The following MLLT1 variants were observed in gnomAD, a reference collection of about 807,000 sequenced individuals.
The protein encoded by MLLT1 is protein ENL.
Under a neutral mutation model 55.1 loss-of-function variants are expected in MLLT1, and 11 were observed. The ratio of observed to expected loss-of-function variants is 0.20; its 90% CI spans 0.13 to 0.33. The LOEUF (loss-of-function observed/expected upper bound fraction) is 0.33, where lower values mean the gene tolerates loss of function less well. Among genes scored for constraint, MLLT1 ranks in the 10% least tolerant of loss-of-function variants. The pLI, the probability that MLLT1 is intolerant of heterozygous loss-of-function variation, is 1.00. For missense variants in MLLT1, 536 were observed against 760.6 expected, an observed-to-expected ratio of 0.70 and a Z score of 3.47; for synonymous variants, 323 against 320.1, an observed-to-expected ratio of 1.01 and a Z score of -0.10.
At chr19:6,214,519 C>T (rs1414519964) in intron 8 of MLLT1, among the ~76,000 whole-genome samples, 1 of 152,206 alleles carries the variant, frequency 6.6e-6, no homozygotes, top group Non-Finnish European at 1.5e-5. Flanking sequence ...ATCGGCCCCC[C>T]TGACCCTAGA....
chr19:6,265,049 C>CAAAAAAAAAAAAAAA (rs2091336941), intron 2 of MLLT1, among the ~76,000 whole-genome samples: 1 of 23,302 alleles, frequency 4.3e-5, no homozygotes, highest in Non-Finnish European at 1.2e-4. Flanking sequence ...AAAAAAAAAA[C>CAAAAAAAAAAAAAAA]AAAAAAACAA....
At chr19:6,233,512 G>T (rs77086332) in intron 3 of MLLT1, among the ~76,000 whole-genome samples, 1 of 152,208 alleles carries the variant, frequency 6.6e-6, no homozygotes, top group African/African-American at 2.4e-5. Flanking sequence ...TGTCCGAGGG[G>T]ACATGTGACA....
rs1294678351 is a variant in MLLT1, at chr19:6,212,657, A to C, written c.*385T>G. On this transcript the variant is annotated 3_prime_UTR_variant, in exon 12 of 12. Coordinates refer to ENST00000252674, the MANE Select transcript of MLLT1 (RefSeq NM_005934.4). The stretch of plus-strand genomic sequence containing the variant: ...ATTCGGGAGGCTGGAGATGCCCCCC[A>C]GCCGTCGATCCGCTGCTCAGAAAGG... 1 of 1,109,110 alleles carries C rather than the reference A, an allele frequency of 9.0e-7. No homozygotes were observed. Among genetic ancestry groups the C allele is most frequent in the Non-Finnish European group, 1.1e-6 (1 of 908,806 alleles). The allele number at this position is 1,109,110 out of a possible 1,614,324, so 68.7% of individuals were successfully genotyped here.
At position 6,240,696 on chromosome 19, in the gene MLLT1, C is replaced by A. The variant is rs1009484543; in HGVS notation, c.277-9983G>T. Among the ~76,000 whole-genome samples the A allele has an allele frequency of 2.6e-5, 4 of 152,080 alleles. No individual in the cohort carries two copies. Among genetic ancestry groups the A allele is most frequent in the Admixed American group, 2.0e-4 (3 of 15,278 alleles). ...GTCAGACGCACAGGGAGAGACTGGACCCCACACTCAGCTACGAACCTCCCG... is the reference window on the plus strand; with the variant it reads ...GTCAGACGCACAGGGAGAGACTGGAACCCACACTCAGCTACGAACCTCCCG... On this transcript the variant is annotated intron_variant, in intron 3 of 11. Transcript: ENST00000252674. This position sits in a 1 kb window ranked among gnomAD's most constrained non-coding sequence, Gnocchi z 4.7.
Position 6,235,883 on chromosome 19 carries a change from C to T in MLLT1, c.277-5170G>A, listed in dbSNP as rs1209706971. On this transcript the variant is annotated intron_variant, in intron 3 of 11. Transcript: ENST00000252674. This position sits in a 1 kb window ranked among gnomAD's most constrained non-coding sequence, Gnocchi z 5.5. The stretch of plus-strand genomic sequence containing the variant: ...AGCTCACCCCTTCCTGACCCCCACC[C>T]GCCCTTATCCCGGCCTGCTGCTGTC... 6.6e-6 allele frequency among the ~76,000 whole-genome samples: 1 copy of T among 152,154 alleles called. No individual in the cohort carries two copies. The highest frequency in any genetic ancestry group is 1.5e-5 in the Non-Finnish European group (1 of 68,020).
intron 5 of MLLT1, among the ~76,000 whole-genome samples, chr19:6,223,236 A>T (rs2090921283): frequency 6.6e-6 from 1 of 152,188 alleles, no homozygotes; most frequent in Non-Finnish European, 1.5e-5. Flanking sequence ...GGGTCCAGCC[A>T]GCTCAGGCCT....
intron 5 of MLLT1, among the ~76,000 whole-genome samples, chr19:6,224,449 G>A (rs1364879643): frequency 6.6e-6 from 1 of 152,242 alleles, no homozygotes; most frequent in East Asian, 1.9e-4. Flanking sequence ...AGACTGCAAT[G>A]CCACCTGCCA....
chr19:6,243,420 G>A (rs1836909625), intron 3 of MLLT1, among the ~76,000 whole-genome samples: 1 of 152,206 alleles, frequency 6.6e-6, no homozygotes. Flanking sequence ...TTCCTTCTGG[G>A]AGAGATGGAG....
At chr19:6,213,906 G>T in intron 9 of MLLT1, 33 bp downstream of exon 9, 1 of 1,484,652 alleles carries the variant, frequency 6.7e-7, no homozygotes, top group Non-Finnish European at 9.1e-7. Flanking sequence ...CCCGGCCTCT[G>T]GTGCACCCCC....
chr19:6,244,337 T>G (rs1477766226), intron 3 of MLLT1, among the ~76,000 whole-genome samples: 2 of 151,164 alleles, frequency 1.3e-5, no homozygotes, highest in African/African-American at 4.9e-5. Context: ...AGAAAAGCAA[T>G]TCCTCCTCCT....
chr19:6,264,363 G>A (rs1167362870), intron 2 of MLLT1, among the ~76,000 whole-genome samples: 1 of 151,640 alleles, frequency 6.6e-6, no homozygotes, highest in Non-Finnish European at 1.5e-5. Flanking sequence ...ACCAGACCCC[G>A]AGGAAGGCCT....
At chr19:6,217,905 A>T in intron 7 of MLLT1, 49 bp downstream of exon 7, 1 of 1,555,912 alleles carries the variant, frequency 6.4e-7, no homozygotes, top group Non-Finnish European at 8.7e-7. Flanking sequence ...CCTGAGCTCC[A>T]GGCCCTCCCC....
Position 6,240,681 on chromosome 19 carries a change from C to A in MLLT1, c.277-9968G>T, listed in dbSNP as rs948792408. Reference sequence around the variant, plus strand: ...CGCTGTGGGGGTGATGTCAGACGCACAGGGAGAGACTGGACCCCACACTCA... The same window carrying A: ...CGCTGTGGGGGTGATGTCAGACGCAAAGGGAGAGACTGGACCCCACACTCA... On this transcript the variant is annotated intron_variant, in intron 3 of 11. Transcript: ENST00000252674. The surrounding 1 kb of genome is among the most constrained non-coding windows in gnomAD (Gnocchi z 4.7). 1.3e-5 allele frequency among the ~76,000 whole-genome samples: 2 copies of A among 152,098 alleles called. No individual in the cohort carries two copies. Among genetic ancestry groups the A allele is most frequent in the African/African-American group, 4.8e-5 (2 of 41,416 alleles).
In MLLT1 at chr19:6,211,012, T is replaced by C. The variant is rs1476835312; in HGVS notation, c.*2030A>G. 2 of 229,400 alleles carry C rather than the reference T, an allele frequency of 8.7e-6. No homozygotes were observed. The highest frequency in any genetic ancestry group is 8.6e-6 in the Non-Finnish European group (1 of 116,848). 14.2% of individuals were successfully genotyped at this position (229,400 alleles called of 1,614,324 possible). The stretch of plus-strand genomic sequence containing the variant: ...GAGAGCAGGCGGGGGAGCCCGACCC[T>C]CCTCTGGCTGAGTGGAAGGCTGCTC... On this transcript the variant is annotated 3_prime_UTR_variant, in exon 12 of 12. Coordinates refer to ENST00000252674, the MANE Select transcript of MLLT1 (RefSeq NM_005934.4). This position sits in a 1 kb window ranked among gnomAD's most constrained non-coding sequence, Gnocchi z 4.6.
intron 3 of MLLT1, among the ~76,000 whole-genome samples, chr19:6,257,071 T>C (rs956749107): frequency 6.6e-6 from 1 of 152,196 alleles, no homozygotes; most frequent in East Asian, 1.9e-4. Flanking sequence ...ACTACAACTA[T>C]GAAACTGGTG....
intron 3 of MLLT1, among the ~76,000 whole-genome samples, chr19:6,260,215 G>A (rs1361237157): frequency 2.6e-5 from 4 of 152,082 alleles, no homozygotes; most frequent in Non-Finnish European, 5.9e-5. Flanking sequence ...AGGATGCTGG[G>A]CCCAGTAGTG....
intron 2 of MLLT1, among the ~76,000 whole-genome samples, chr19:6,264,605 T>C (rs2091331371): frequency 6.6e-6 from 1 of 151,798 alleles, no homozygotes; most frequent in Non-Finnish European, 1.5e-5. Context: ...ATAAGATACT[T>C]CTAAAAGGGG....
intron 3 of MLLT1, among the ~76,000 whole-genome samples, chr19:6,251,148 A>G (rs2091210104): frequency 1.3e-5 from 2 of 152,144 alleles, no homozygotes; most frequent in Non-Finnish European, 2.9e-5. Flanking sequence ...GGGGTGATGA[A>G]ACTGCTCTGG....
rs1288757612 is a variant in MLLT1, at chr19:6,212,797, G to A, written c.*245C>T. ...CTGCCTTCAACACCAGCCGCTCTCT[G>A]AGGGGAGCCCAGAGAGCCCGGGGGG... On this transcript the variant is annotated 3_prime_UTR_variant, in exon 12 of 12. Coordinates refer to ENST00000252674, the MANE Select transcript of MLLT1 (RefSeq NM_005934.4). 30 of 936,808 alleles carry A rather than the reference G, an allele frequency of 3.2e-5. No individual in the cohort carries two copies. The highest frequency in any genetic ancestry group is 7.0e-5 in the African/African-American group (4 of 56,968). 58.0% of individuals were successfully genotyped at this position (936,808 alleles called of 1,614,324 possible).
Sources: gnomAD v4.1 joint callset for allele counts (sites outside exome capture counted in the v4.1 genomes callset) on GRCh38, gnomAD v4.1.1 for gene constraint, Gnocchi (gnomAD v3.1) non-coding constraint, MANE v1.5 for transcripts, NCBI Gene and HGNC (gene_info 2026-07-23, HGNC 2026-07-21) for gene names.